DCAF10: variants seen among roughly 807,000 people sequenced by gnomAD.
DCAF10 encodes the protein DDB1- and CUL4-associated factor 10.
In DCAF10, 19 loss-of-function variants were observed where a neutral mutation model predicts 51.9. The ratio of observed to expected loss-of-function variants is 0.37; its 90% CI spans 0.26 to 0.54. The LOEUF (loss-of-function observed/expected upper bound fraction) is 0.54. Ranked by LOEUF, DCAF10 falls within the 20% of genes least tolerant of loss-of-function variation. The probability of loss-of-function intolerance (pLI) is 0.87; values close to 1 mark genes in which losing one functional copy is unlikely to be tolerated. For synonymous variants in DCAF10, 291 were observed against 297.1 expected, an observed-to-expected ratio of 0.98 and a Z score of 0.21; for missense variants, 510 against 730.6, an observed-to-expected ratio of 0.70 and a Z score of 3.48.
chr9:37,808,687 A>AAATATATAAAAATACATATATAAAG (rs2119023729), intron 1 of DCAF10, among the ~76,000 whole-genome samples: 1 of 8,860 alleles, frequency 1.1e-4, no homozygotes, highest in Admixed American at 1.9e-3. Context: ...TAAAATATAA[A>AAATATATAAAAATACATATATAAAG]TATATATTTA....
rs549181758 is a variant in DCAF10, at chr9:37,829,734, T to C, written c.653+10333T>C. Among the ~76,000 whole-genome samples, 2 of 152,248 alleles carry C rather than the reference T, an allele frequency of 1.3e-5. No homozygotes were observed. Among genetic ancestry groups the C allele is most frequent in the East Asian group, 3.9e-4 (2 of 5,172 alleles). On this transcript the variant is annotated intron_variant, in intron 2 of 6. Transcript: ENST00000377724. This position sits in a 1 kb window ranked among gnomAD's most constrained non-coding sequence, Gnocchi z 4.2. Reference sequence around the variant, plus strand: ...TTTAATAATTGATGCAGGCTGGGCATGGTGGCTCATACCTGTAATCCCAGC... The same window carrying C: ...TTTAATAATTGATGCAGGCTGGGCACGGTGGCTCATACCTGTAATCCCAGC...
intron 3 of DCAF10, among the ~76,000 whole-genome samples, chr9:37,850,844 A>C (rs1208641362): frequency 3.3e-5 from 1 of 30,222 alleles, no homozygotes; most frequent in Non-Finnish European, 6.8e-5. Context: ...ATATATATAT[A>C]TATATATATA....
rs974249034 is a variant in DCAF10 at position 37,865,497 on chromosome 9, T to C, written c.*3989T>C. 6.6e-6 allele frequency: 1 copy of C among 152,246 alleles called. No homozygotes were observed. The highest frequency in any genetic ancestry group is 1.5e-5 in the Non-Finnish European group (1 of 68,030). 9.4% of individuals were successfully genotyped at this position (152,246 alleles called of 1,614,324 possible). On this transcript the variant is annotated 3_prime_UTR_variant, in exon 7 of 7. Coordinates refer to ENST00000377724, the MANE Select transcript of DCAF10 (RefSeq NM_024345.5). The stretch of plus-strand genomic sequence containing the variant: ...ATCTGATGTTTTTTACTCTGAATTT[T>C]ATTCAGTAATTTTTATTCATAATTC...
At chr9:37,808,671 A>G (rs1446868917) in intron 1 of DCAF10, among the ~76,000 whole-genome samples, 1 of 109,306 alleles carries the variant, frequency 9.1e-6, no homozygotes, top group Non-Finnish European at 1.7e-5. Flanking sequence ...AATATATTAT[A>G]TAATATAAAA....
intron 2 of DCAF10, among the ~76,000 whole-genome samples, chr9:37,837,457 C>CAAA (rs555983041): frequency 3.5e-5 from 3 of 85,698 alleles, no homozygotes; most frequent in African/African-American, 7.3e-5. Context: ...GACTCCATCT[C>CAAA]AAAAAAAAAA....
Position 37,862,897 on chromosome 9 carries a change from G to A in DCAF10, c.*1389G>A, listed in dbSNP as rs1365045061. On this transcript the variant is annotated 3_prime_UTR_variant, in exon 7 of 7. Transcript: ENST00000377724. The stretch of plus-strand genomic sequence containing the variant: ...GAGCTTGTGAAAAGTGCAGAAACCT[G>A]AGCCTCACCTTATGAGATTCTGATT... 1 of 152,166 alleles carries A rather than the reference G, an allele frequency of 6.6e-6. No individual in the cohort carries two copies. Among genetic ancestry groups the A allele is most frequent in the African/African-American group, 2.4e-5 (1 of 41,406 alleles). 9.4% of individuals were successfully genotyped at this position (152,166 alleles called of 1,614,324 possible).
intron 2 of DCAF10, among the ~76,000 whole-genome samples, chr9:37,831,216 C>CA (rs149485150): frequency 0.13 from 19,349 of 147,328 alleles, 1,378 homozygotes; most frequent in Non-Finnish European, 0.16. Context: ...GACTCTGTCT[C>CA]AAAAAAAAAG....
Position 37,801,320 on chromosome 9 carries a change from T to C in DCAF10, c.454T>C (p.Tyr152His). 1 of 1,593,088 alleles carries C rather than the reference T, an allele frequency of 6.3e-7. No individual in the cohort carries two copies. Among genetic ancestry groups the C allele is most frequent in the Non-Finnish European group, 8.5e-7 (1 of 1,172,652 alleles). Residue 152 changes from tyrosine to histidine, a missense_variant, in exon 1 of 7, where the codon TAC becomes CAC. Tyr to His is a moderately conservative substitution (Grantham distance 83). Around this residue, in one of 4 missense-constraint regions of DCAF10, gnomAD observed 126 missense variants for 271.5 expected, o/e 0.46. Transcript: ENST00000377724. The surrounding 1 kb of genome is among the most constrained non-coding windows in gnomAD (Gnocchi z 5.5). ...CAATTTTCGCACCATGACTAGCCTC[T>C]ACGGTTCCATCCACCCCGCGGACTC... ...RDNFRTMTSL[Y>H]GSIHPADSVY...
intron 2 of DCAF10, chr9:37,836,436 G>A: frequency 6.7e-7 from 1 of 1,488,138 alleles, no homozygotes; most frequent in Non-Finnish European, 9.4e-7. Flanking sequence ...AATTTGAAAT[G>A]AGGGTGGGCC....
chr9:37,863,481 C>G lies in DCAF10; in HGVS notation c.*1973C>G, dbSNP rs1337197042. ...GAATGGAATCATTTGCATTATTTGACAAATGAGAGAAGTGACATGACTTGC... is the reference window on the plus strand; with the variant it reads ...GAATGGAATCATTTGCATTATTTGAGAAATGAGAGAAGTGACATGACTTGC... On this transcript the variant is annotated 3_prime_UTR_variant, in exon 7 of 7. Coordinates refer to ENST00000377724, the MANE Select transcript of DCAF10 (RefSeq NM_024345.5). 1 of 151,966 alleles carries G rather than the reference C, an allele frequency of 6.6e-6. No individual in the cohort carries two copies. Among genetic ancestry groups the G allele is most frequent in the Non-Finnish European group, 1.5e-5 (1 of 67,996 alleles). The allele number at this position is 151,966 out of a possible 1,614,324, so 9.4% of individuals were successfully genotyped here. A position where few individuals can be genotyped will look rare whatever the true frequency, so the allele number is the denominator to read the frequency against.
At chr9:37,851,251 T>C (rs963728188) in intron 3 of DCAF10, among the ~76,000 whole-genome samples, 1 of 151,786 alleles carries the variant, frequency 6.6e-6, no homozygotes, top group African/African-American at 2.4e-5. Flanking sequence ...GGCACAATCA[T>C]AGTTTACTAC....
rs372584446 is a variant in DCAF10, at chr9:37,834,794, C to CTTTTTTT, written c.654-7290_654-7284dup. Among the ~76,000 whole-genome samples the CTTTTTTT allele has an allele frequency of 4.3e-4, 62 of 144,258 alleles. 2 individuals are homozygous for CTTTTTTT. The highest frequency in any genetic ancestry group is 3.6e-3 in the Middle Eastern group (1 of 280). The allele number at this position is 144,258 out of a possible 152,430, so 94.6% of individuals were successfully genotyped here. A position where few individuals can be genotyped will look rare whatever the true frequency, so the allele number is the denominator to read the frequency against. ...TGTACGTATTTTTCTCAATCACGTA[C>CTTTTTTT]TTTTTTTTTTTGAGACAGGGTTTCA... On this transcript the variant is annotated intron_variant, in intron 2 of 6. Coordinates refer to ENST00000377724, the MANE Select transcript of DCAF10 (RefSeq NM_024345.5).
At chr9:37,843,832 G>A (rs1830401750) in intron 3 of DCAF10, among the ~76,000 whole-genome samples, 4 of 152,128 alleles carry the variant, frequency 2.6e-5, no homozygotes, top group Admixed American at 2.6e-4. Flanking sequence ...ACGTATATGG[G>A]CTAAACTGTC....
intron 1 of DCAF10, among the ~76,000 whole-genome samples, chr9:37,802,899 C>T (rs1829001889): frequency 6.6e-6 from 1 of 152,198 alleles, no homozygotes; most frequent in African/African-American, 2.4e-5. Context: ...TATTCAGTTT[C>T]TCTCTTCATA....
At chr9:37,824,285 CAACA>C (rs1829789640) in intron 2 of DCAF10, among the ~76,000 whole-genome samples, 1 of 152,034 alleles carries the variant, frequency 6.6e-6, no homozygotes, top group Admixed American at 6.6e-5. Flanking sequence ...TAGATAGTAA[CAACA>C]AATAGATTGT....
At position 37,855,674 on chromosome 9, in the gene DCAF10, T is replaced by G. The variant is rs572400392; in HGVS notation, c.1054+692T>G. Among the ~76,000 whole-genome samples, 4 of 152,176 alleles carry G rather than the reference T, an allele frequency of 2.6e-5. No individual in the cohort carries two copies. The South Asian group carries it at 6.2e-4, about 24-fold the overall frequency. On this transcript the variant is annotated intron_variant, in intron 4 of 6. Coordinates refer to ENST00000377724, the MANE Select transcript of DCAF10 (RefSeq NM_024345.5). Reference sequence around the variant, plus strand: ...TCCAGGGGAAAAAAGACTTAAGCATTTGGAACATAGAATGCTAATAAATTG... The same window carrying G: ...TCCAGGGGAAAAAAGACTTAAGCATGTGGAACATAGAATGCTAATAAATTG...
intron 3 of DCAF10, 123 bp from the exon 4 acceptor site, chr9:37,854,657 G>A (rs1350059926): frequency 1.0e-5 from 8 of 799,634 alleles, no homozygotes; most frequent in Non-Finnish European, 1.6e-5. Context: ...GTAATTTTGA[G>A]CCCATTGACC....
intron 2 of DCAF10, among the ~76,000 whole-genome samples, chr9:37,837,662 AC>A (rs1376917680): frequency 6.6e-6 from 1 of 151,948 alleles, no homozygotes; most frequent in East Asian, 1.9e-4. Context: ...TGGTATAGCA[AC>A]CCCAGAGAAG....
chr9:37,852,828 A>G (rs1182063478), intron 3 of DCAF10, among the ~76,000 whole-genome samples: 1 of 151,182 alleles, frequency 6.6e-6, no homozygotes, highest in East Asian at 2.0e-4. Flanking sequence ...GTACAACATG[A>G]TGACCACTGT....
Sources: gnomAD v4.1 joint callset for allele counts (sites outside exome capture counted in the v4.1 genomes callset) on GRCh38, gnomAD v4.1.1 for gene constraint, gnomAD v4.1.1 regional missense constraint, Gnocchi (gnomAD v3.1) non-coding constraint, MANE v1.5 for transcripts, NCBI Gene and HGNC (gene_info 2026-07-23, HGNC 2026-07-21) for gene names.